NMRAL1: variants seen among roughly 807,000 people sequenced by gnomAD.
The protein encoded by NMRAL1 is nmrA-like family domain-containing protein 1.
NMRAL1 carries 32 observed loss-of-function variants against 27.5 expected under a neutral mutation model. The ratio of observed to expected loss-of-function variants is 1.16; its 90% CI spans 0.88 to 1.56. NMRAL1 has a LOEUF of 1.56. Ranked by LOEUF, NMRAL1 falls within the 40% of genes most tolerant of loss-of-function variation. NMRAL1 has a pLI of 0.00. For missense variants in NMRAL1, 420 were observed against 392.0 expected (o/e 1.07, Z -0.60); for synonymous variants, 166 against 166.8 (o/e 1.00, Z 0.04).
In NMRAL1 at chr16:4,468,219, T is replaced by A. The variant is rs77485076; in HGVS notation, c.279+1008A>T. ...CGGGAGGCTGGGGCAGGAGAATAAC[T>A]TGAACCCAGGAGGCGGAGGTTGCGG... is the stretch of plus-strand genomic sequence containing the variant. On this transcript the variant is annotated intron_variant, in intron 3 of 5. Coordinates refer to ENST00000283429, the MANE Select transcript of NMRAL1 (RefSeq NM_020677.6). 2.0e-3 allele frequency among the ~76,000 whole-genome samples: 299 copies of A among 152,260 alleles called. 1 individual carries two copies. The highest frequency in any genetic ancestry group is 6.8e-3 in the African/African-American group (282 of 41,566).
At chr16:4,463,496 CT>C (rs2057190129) in intron 5 of NMRAL1, 163 bp downstream of exon 5, 1 of 612,766 alleles carries the variant, frequency 1.6e-6, no homozygotes, top group Non-Finnish European at 2.7e-6. Flanking sequence ...AAATTTCACT[CT>C]GTGGCCAGTT....
Position 4,466,166 on chromosome 16 carries a change from C to T in NMRAL1, c.516G>A (p.Lys172=). ...HFLPQKAPDG[K]SYLLSLPTGD... is the part of the protein sequence containing the mutation. Reference sequence around the variant, plus strand: ...AAGGGCACTTACTCAGCAAGTAGCTCTTTCCGTCTGGGGCTTTCTGGGGCA... The same window carrying T: ...AAGGGCACTTACTCAGCAAGTAGCTTTTTCCGTCTGGGGCTTTCTGGGGCA... The change falls in exon 4 of 6, where the codon AAG becomes AAA. Residue 172 remains lysine (K), a synonymous_variant. Transcript: ENST00000283429. The T allele has an allele frequency of 6.2e-7, 1 of 1,614,200 alleles. No individual in the cohort carries two copies. The highest frequency in any genetic ancestry group is 8.5e-7 in the Non-Finnish European group (1 of 1,180,042).
At chr16:4,464,757 G>A (rs1486556033) in intron 4 of NMRAL1, among the ~76,000 whole-genome samples, 1 of 151,730 alleles carries the variant, frequency 6.6e-6, no homozygotes, top group Non-Finnish European at 1.5e-5. Flanking sequence ...TGGGACTACA[G>A]GCGCCTGCCG....
chr16:4,463,865 C>CG lies in NMRAL1; in HGVS notation c.530-16dup. The CG allele has an allele frequency of 2.5e-6, 4 of 1,609,248 alleles. No homozygotes were observed. The highest frequency in any genetic ancestry group is 3.4e-6 in the Non-Finnish European group (4 of 1,176,728). Reference sequence around the variant, plus strand: ...TGTGGGCAAGCCTGTGGGGCAGAGACGTGAGCTGGTATATGTCCCGAGGGC... The same window carrying CG: ...TGTGGGCAAGCCTGTGGGGCAGAGACGGTGAGCTGGTATATGTCCCGAGGGC... On this transcript the variant is annotated splice_polypyrimidine_tract_variant and intron_variant, in intron 4 of 5. Transcript: ENST00000283429.
chr16:4,462,554 C>A (rs13330453), intron 5 of NMRAL1, among the ~76,000 whole-genome samples: 5,000 of 152,104 alleles, frequency 0.033, 284 homozygotes, highest in African/African-American at 0.11. Flanking sequence ...AAATCAGAGA[C>A]CTGCCTGCAT....
At chr16:4,470,457 C>T (rs1373415420) in intron 2 of NMRAL1, among the ~76,000 whole-genome samples, 7 of 150,810 alleles carry the variant, frequency 4.6e-5, no homozygotes, top group African/African-American at 1.7e-4. Context: ...GCAACAAGAG[C>T]GAAACTTGGT....
chr16:4,469,673 G>C (rs1006038442), intron 2 of NMRAL1: 6 of 1,076,782 alleles, frequency 5.6e-6, no homozygotes, highest in African/African-American at 1.6e-5. Context: ...GCAGTGGCAC[G>C]ATCTTGGCTT....
rs375960349 is a variant in NMRAL1 at position 4,463,755 on chromosome 16, C to T, written c.625G>A (p.Gly209Ser). The T allele has an allele frequency of 1.2e-4, 191 of 1,614,012 alleles. 3 individuals carry two copies. The South Asian group carries it at 1.8e-3, about 15-fold the overall frequency. ...SLLKMPEKYV[G>S]QNIGLSTCRH... The stretch of plus-strand genomic sequence containing the variant: ...CAAGTGCTCAGCCCGATGTTCTGGC[C>T]GACGTATTTTTCTGGCATCTTCAAA... Residue 209 changes from glycine to serine, a missense_variant, in exon 5 of 6, where the codon GGC (glycine) becomes AGC (serine). By Grantham distance (56) the Gly-to-Ser change is moderately conservative. Coordinates refer to ENST00000283429, the MANE Select transcript of NMRAL1 (RefSeq NM_020677.6).
At position 4,466,143 on chromosome 16, in the gene NMRAL1, G is replaced by T. The variant is rs149975780; in HGVS notation, c.529+10C>A. 197 of 1,613,880 alleles carry T rather than the reference G, an allele frequency of 1.2e-4. 3 individuals are homozygous for T. In the Middle Eastern group the frequency reaches 8.3e-3, roughly 68 times the overall value. On this transcript the variant is annotated intron_variant, in intron 4 of 5. Transcript: ENST00000283429. ...GCTCTGCCTCACCGTGTGCGAGAAA[G>T]GGCACTTACTCAGCAAGTAGCTCTT... is the stretch of plus-strand genomic sequence containing the variant.
At chr16:4,471,064 G>C (rs1337596565) in intron 2 of NMRAL1, among the ~76,000 whole-genome samples, 1 of 151,846 alleles carries the variant, frequency 6.6e-6, no homozygotes, top group Non-Finnish European at 1.5e-5. Context: ...CCGAGATTGG[G>C]CCACTGCACT....
chr16:4,468,089 C>A (rs955684242), intron 3 of NMRAL1, among the ~76,000 whole-genome samples: 48 of 151,784 alleles, frequency 3.2e-4, no homozygotes, highest in African/African-American at 1.1e-3. Context: ...CGCCTGAGGC[C>A]GGGAGTTAGA....
chr16:4,475,354 G>C (rs911701258), upstream of NMRAL1, among the ~76,000 whole-genome samples: 2 of 141,746 alleles, frequency 1.4e-5, no homozygotes, highest in Non-Finnish European at 2.9e-5. Flanking sequence ...GCCCAGGCTG[G>C]AGTGCAGTGG....
At chr16:4,474,932 C>G (rs1255278260), upstream of NMRAL1, 1 of 151,996 alleles carries the variant, frequency 6.6e-6, no homozygotes, top group Non-Finnish European at 1.5e-5. Context: ...TTTTCTTTGC[C>G]TAACTCACTT....
intron 2 of NMRAL1, among the ~76,000 whole-genome samples, chr16:4,473,167 C>T (rs2057656309): frequency 6.6e-6 from 1 of 151,890 alleles, no homozygotes; most frequent in South Asian, 2.1e-4. Flanking sequence ...CGAGATTTTG[C>T]CCTGTTGTTC....
At position 4,469,485 on chromosome 16, in the gene NMRAL1, C is replaced by T; in HGVS notation, c.41-20G>A. 3 of 1,611,638 alleles carry T rather than the reference C, an allele frequency of 1.9e-6. No homozygotes were observed. The highest frequency in any genetic ancestry group is 2.2e-5 in the South Asian group (2 of 91,044). Reference sequence around the variant, plus strand: ...GGGCACCTACAAAGAATCAAAAAGACCTCTCAGGTCAGACCTACCTGAAAG... The same window carrying T: ...GGGCACCTACAAAGAATCAAAAAGATCTCTCAGGTCAGACCTACCTGAAAG... On this transcript the variant is annotated intron_variant, in intron 2 of 5. Transcript: ENST00000283429.
At chr16:4,465,767 A>T (rs945042363) in intron 4 of NMRAL1, among the ~76,000 whole-genome samples, 1 of 152,010 alleles carries the variant, frequency 6.6e-6, no homozygotes, top group African/African-American at 2.4e-5. Flanking sequence ...GGGTTTCACC[A>T]TGTTGGCCAG....
At chr16:4,471,776 A>G (rs2057576103) in intron 2 of NMRAL1, among the ~76,000 whole-genome samples, 1 of 152,044 alleles carries the variant, frequency 6.6e-6, no homozygotes, top group African/African-American at 2.4e-5. Context: ...GAAATGCATC[A>G]AAAATAAGGA....
chr16:4,463,378 A>G lies in NMRAL1; in HGVS notation c.720+282T>C, dbSNP rs951395620. ...CTCTTTTCTCTTCAAATTCCCTCCCACAGAGGAGCCCGGCAGGGCCTGCAT... is the reference window on the plus strand; with the variant it reads ...CTCTTTTCTCTTCAAATTCCCTCCCGCAGAGGAGCCCGGCAGGGCCTGCAT... On this transcript the variant is annotated intron_variant, in intron 5 of 5. Coordinates refer to ENST00000283429, the MANE Select transcript of NMRAL1 (RefSeq NM_020677.6). 4 of 501,892 alleles carry G rather than the reference A, an allele frequency of 8.0e-6. No homozygotes were observed. In the Admixed American group the frequency reaches 1.7e-4, roughly 22 times the overall value. 31.1% of individuals were successfully genotyped at this position (501,892 alleles called of 1,614,324 possible).
intron 5 of NMRAL1, 28 bp downstream of exon 5, chr16:4,463,632 C>T (rs1324454441): frequency 6.2e-7 from 1 of 1,609,096 alleles, no homozygotes; most frequent in Non-Finnish European, 8.5e-7. Context: ...GACAAGGATG[C>T]CTGAGTCACC....
Sources: allele counts gnomAD v4.1 joint callset (sites outside exome capture counted in the v4.1 genomes callset), GRCh38; gene constraint gnomAD v4.1.1; transcripts MANE v1.5; gene names NCBI Gene and HGNC (gene_info 2026-07-23, HGNC 2026-07-21).